Variants in IL1RAPL1 observed in about 807,000 individuals in gnomAD.
IL1RAPL1 encodes the protein interleukin 1 receptor accessory protein like 1, also known as interleukin-1 receptor accessory protein-like 1.
A neutral mutation model predicts 48.4 loss-of-function variants in IL1RAPL1; 3 were observed. That is an observed-to-expected ratio of 0.06 (90% CI 0.03 to 0.16). The LOEUF (loss-of-function observed/expected upper bound fraction) is 0.16. IL1RAPL1 is among the 10% of genes least tolerant of loss of function. The pLI, the probability that IL1RAPL1 is intolerant of heterozygous loss-of-function variation, is 1.00. For synonymous variants in IL1RAPL1, 185 were observed against 187.7 expected (o/e 0.99, Z 0.12); for missense variants, 349 against 530.6 (o/e 0.66, Z 3.36).
At chrX:29,711,410 C>T (rs1313393480) in intron 6 of IL1RAPL1, among the ~76,000 whole-genome samples, 3 of 109,611 alleles carry the variant, frequency 2.7e-5, no homozygotes, top group East Asian at 2.9e-4. Flanking sequence ...CTTGAACTCC[C>T]GACCTCAAGT....
chrX:29,368,367 G>A (rs1602198570), intron 3 of IL1RAPL1, among the ~76,000 whole-genome samples: 1 of 111,681 alleles, frequency 9.0e-6, no homozygotes, highest in Non-Finnish European at 1.9e-5. Flanking sequence ...TTGTGTGTAT[G>A]TGTTTCTGTT....
At chrX:29,803,080 T>C (rs1202292990) in intron 6 of IL1RAPL1, among the ~76,000 whole-genome samples, 5 of 89,229 alleles carry the variant, frequency 5.6e-5, no homozygotes, top group African/African-American at 1.7e-4. Flanking sequence ...TGTATACATA[T>C]ATGTGTATAT....
chrX:29,310,094 A>C (rs1932690433), intron 3 of IL1RAPL1, among the ~76,000 whole-genome samples: 1 of 6,343 alleles, frequency 1.6e-4, no homozygotes, highest in Non-Finnish European at 3.1e-4. Context: ...ACTCCGTCTC[A>C]AAAAAAAAAA....
chrX:28,656,097 A>C (rs567154977), intron 1 of IL1RAPL1, among the ~76,000 whole-genome samples: 1 of 112,273 alleles, frequency 8.9e-6, no homozygotes, highest in South Asian at 3.7e-4. Flanking sequence ...CAATTTAGAA[A>C]AGCAAATTGT....
At chrX:29,015,578 C>G (rs1277495697) in intron 2 of IL1RAPL1, among the ~76,000 whole-genome samples, 2 of 111,080 alleles carry the variant, frequency 1.8e-5, no homozygotes, top group Non-Finnish European at 3.8e-5. Context: ...ATACCAAAAA[C>G]CTTAGTGTCT....
rs766130615 is a variant in IL1RAPL1 at position 28,884,547 on chromosome X, C to G, written c.82+95122C>G. ...CTAGAGAAGGAAGGACATAGACTGT[C>G]TGTCATCTTCCTCTCTTTCACAAAC... On this transcript the variant is annotated intron_variant, in intron 2 of 10. Transcript: ENST00000378993. 3.6e-5 allele frequency among the ~76,000 whole-genome samples: 4 copies of G among 111,922 alleles called. No homozygotes were observed. In the East Asian group the frequency reaches 1.1e-3, roughly 31 times the overall value.
At chrX:29,334,329 A>G (rs1415188048) in intron 3 of IL1RAPL1, among the ~76,000 whole-genome samples, 1 of 47,103 alleles carries the variant, frequency 2.1e-5, no homozygotes. Context: ...CGGGGGGCTG[A>G]CCCCCCCACC....
chrX:29,349,703 A>G (rs1331861638), intron 3 of IL1RAPL1, among the ~76,000 whole-genome samples: 2 of 110,118 alleles, frequency 1.8e-5, no homozygotes, highest in Non-Finnish European at 3.8e-5. Context: ...ACATCTTGGG[A>G]CCCTACCCTA....
chrX:29,343,154 C>A (rs2147647206), intron 3 of IL1RAPL1, among the ~76,000 whole-genome samples: 1 of 112,439 alleles, frequency 8.9e-6, no homozygotes, highest in South Asian at 3.7e-4. Context: ...ATGAAAACAG[C>A]TTTAACTGTT....
chrX:29,570,413 G>A (rs776375169), intron 5 of IL1RAPL1, among the ~76,000 whole-genome samples: 5 of 112,384 alleles, frequency 4.4e-5, no homozygotes, highest in Non-Finnish European at 7.5e-5. Context: ...AGAACTGAAT[G>A]TGAAAACGAA....
At chrX:28,700,638 A>G (rs1413783466) in intron 1 of IL1RAPL1, among the ~76,000 whole-genome samples, 2 of 109,694 alleles carry the variant, frequency 1.8e-5, no homozygotes, top group Non-Finnish European at 3.8e-5. Context: ...GCACCTATCA[A>G]CCTGTCATCT....
At chrX:29,573,772 A>G (rs1289553167) in intron 5 of IL1RAPL1, among the ~76,000 whole-genome samples, 1 of 112,313 alleles carries the variant, frequency 8.9e-6, no homozygotes, top group Non-Finnish European at 1.9e-5. Context: ...TCATGTTGCA[A>G]GAGAAATGGA....
intron 2 of IL1RAPL1, among the ~76,000 whole-genome samples, chrX:28,829,537 T>G (rs1300440974): frequency 1.9e-5 from 2 of 105,349 alleles, no homozygotes; most frequent in Non-Finnish European, 3.9e-5. Context: ...ATTGAATGCT[T>G]TATCATGAAA....
chrX:29,102,520 G>T (rs2147464665), intron 2 of IL1RAPL1, among the ~76,000 whole-genome samples: 1 of 110,591 alleles, frequency 9.0e-6, no homozygotes, highest in Non-Finnish European at 1.9e-5. Context: ...TACAGAATTA[G>T]CTGGGCATGG....
At chrX:29,243,424 G>T (rs1044145824) in intron 2 of IL1RAPL1, among the ~76,000 whole-genome samples, 3 of 111,576 alleles carry the variant, frequency 2.7e-5, no homozygotes, top group Non-Finnish European at 5.6e-5. Flanking sequence ...CACCTATTAG[G>T]TCAAGCACTC....
At chrX:29,805,981 AAG>A (rs370898336) in intron 6 of IL1RAPL1, among the ~76,000 whole-genome samples, 8 of 107,039 alleles carry the variant, frequency 7.5e-5, no homozygotes, top group South Asian at 4.0e-4. Context: ...TATATACAGG[AAG>A]AGAGAGAGAG....
At chrX:29,456,978 A>G (rs144840439) in intron 5 of IL1RAPL1, among the ~76,000 whole-genome samples, 1,758 of 109,010 alleles carry the variant, frequency 0.016, 46 homozygotes, top group African/African-American at 0.056. Flanking sequence ...ACAAAAAGAT[A>G]AAAAATTTAG....
At chrX:28,638,524 T>C (rs997157711) in intron 1 of IL1RAPL1, among the ~76,000 whole-genome samples, 8 of 110,120 alleles carry the variant, frequency 7.3e-5, no homozygotes, top group African/African-American at 2.3e-4. Flanking sequence ...TGTGGAAATA[T>C]ATCTACTAGT....
chrX:29,856,933 G>T (rs2147201632), intron 6 of IL1RAPL1, among the ~76,000 whole-genome samples: 1 of 111,267 alleles, frequency 9.0e-6, no homozygotes, highest in South Asian at 3.7e-4. Flanking sequence ...AGTATATATT[G>T]CTTGCCTAGC....
Sources: gnomAD v4.1 joint callset for allele counts (sites outside exome capture counted in the v4.1 genomes callset) on GRCh38, gnomAD v4.1.1 for gene constraint, MANE v1.5 for transcripts, NCBI Gene and HGNC (gene_info 2026-07-23, HGNC 2026-07-21) for gene names.